The following PSPC1 variants were observed in gnomAD, a reference collection of about 807,000 sequenced individuals.
PSPC1 encodes paraspeckle component 1, also known as paraspeckle protein 1.
PSPC1 carries 14 observed loss-of-function variants against 51.6 expected under a neutral mutation model. That is an observed-to-expected ratio of 0.27 (90% CI 0.18 to 0.42). The LOEUF (loss-of-function observed/expected upper bound fraction) is 0.42. Ranked by LOEUF, PSPC1 falls within the 10% of genes least tolerant of loss-of-function variation. PSPC1 has a pLI of 1.00. For missense variants in PSPC1, 406 were observed against 701.1 expected (o/e 0.58, Z 4.75); for synonymous variants, 193 against 231.9 (o/e 0.83, Z 1.53).
intron 1 of PSPC1, among the ~76,000 whole-genome samples, chr13:19,772,793 C>T (rs1401127289): frequency 6.6e-6 from 1 of 152,118 alleles, no homozygotes; most frequent in Non-Finnish European, 1.5e-5. Flanking sequence ...CTTCATAAGG[C>T]CAGTTACCAA....
intron 3 of PSPC1, among the ~76,000 whole-genome samples, chr13:19,755,357 A>T (rs1886965822): frequency 6.6e-6 from 1 of 152,176 alleles, no homozygotes; most frequent in South Asian, 2.1e-4. Context: ...TGGGAGGCTG[A>T]CGCAGGCAGA....
At chr13:19,690,760 C>G (rs889941508) in intron 6 of PSPC1, among the ~76,000 whole-genome samples, 3 of 152,206 alleles carry the variant, frequency 2.0e-5, no homozygotes, top group African/African-American at 7.2e-5. Flanking sequence ...TGGTCCCACA[C>G]AGCAGGATAT....
downstream of PSPC1, among the ~76,000 whole-genome samples, chr13:19,698,921 A>G (rs1036689514): frequency 2.0e-4 from 31 of 151,938 alleles, no homozygotes; most frequent in Admixed American, 4.6e-4. Flanking sequence ...ATAAAATAGA[A>G]AAAACACATA....
chr13:19,748,900 C>T (rs1886256184), intron 4 of PSPC1, among the ~76,000 whole-genome samples: 1 of 152,004 alleles, frequency 6.6e-6, no homozygotes, highest in African/African-American at 2.4e-5. Context: ...TTCAAAACCA[C>T]TGGACTGGAC....
At chr13:19,732,696 G>A (rs950020321) in intron 5 of PSPC1, among the ~76,000 whole-genome samples, 1 of 152,116 alleles carries the variant, frequency 6.6e-6, no homozygotes, top group Non-Finnish European at 1.5e-5. Context: ...GGAGCCTGAG[G>A]CAGGTGAATC....
intron 5 of PSPC1, among the ~76,000 whole-genome samples, chr13:19,734,119 T>C (rs1884475156): frequency 6.6e-6 from 1 of 152,150 alleles, no homozygotes; most frequent in African/African-American, 2.4e-5. Flanking sequence ...ATTCCTGTTG[T>C]CCATATATGT....
chr13:19,748,120 G>A (rs1375267209), intron 4 of PSPC1, among the ~76,000 whole-genome samples: 1 of 152,098 alleles, frequency 6.6e-6, no homozygotes, highest in African/African-American at 2.4e-5. Flanking sequence ...TGCTGAGGCA[G>A]GAGAATCGCT....
At chr13:19,701,499 A>C (rs538116795), downstream of PSPC1, among the ~76,000 whole-genome samples, 69 of 151,928 alleles carry the variant, frequency 4.5e-4, 1 homozygote, top group African/African-American at 8.7e-4. Context: ...TCTCCAAATC[A>C]TGTTTTCAAA....
At chr13:19,673,108 T>C (rs776405257), downstream of PSPC1, 5 of 451,850 alleles carry the variant, frequency 1.1e-5, no homozygotes, top group South Asian at 7.8e-5. Flanking sequence ...GTTTTTTTTT[T>C]TTGAAAAGCC....
At chr13:19,717,381 C>T (rs1158015058) in intron 6 of PSPC1, among the ~76,000 whole-genome samples, 1 of 151,208 alleles carries the variant, frequency 6.6e-6, no homozygotes, top group Non-Finnish European at 1.5e-5. Flanking sequence ...GCCTGGCCAA[C>T]ATGGTGAAAC....
intron 6 of PSPC1, among the ~76,000 whole-genome samples, chr13:19,720,793 T>C (rs1428834216): frequency 1.3e-5 from 2 of 152,128 alleles, no homozygotes; most frequent in Non-Finnish European, 2.9e-5. Context: ...GTGCACAATA[T>C]AGTATAAGAT....
At chr13:19,693,376 T>A (rs530147651) in intron 6 of PSPC1, among the ~76,000 whole-genome samples, 11 of 152,326 alleles carry the variant, frequency 7.2e-5, no homozygotes, top group Middle Eastern at 3.4e-3. Flanking sequence ...CATATACCCA[T>A]TAAACTACAA....
chr13:19,731,297 T>C (rs1224230886), intron 5 of PSPC1, among the ~76,000 whole-genome samples: 2 of 152,198 alleles, frequency 1.3e-5, no homozygotes, highest in Non-Finnish European at 2.9e-5. Flanking sequence ...TCACATTATA[T>C]TGGCATTTAA....
chr13:19,740,163 G>A (rs1885289832), intron 5 of PSPC1, among the ~76,000 whole-genome samples: 2 of 152,078 alleles, frequency 1.3e-5, no homozygotes, highest in South Asian at 4.1e-4. Flanking sequence ...GACCAACATG[G>A]AGAAACCCCG....
intron 6 of PSPC1, among the ~76,000 whole-genome samples, chr13:19,725,849 G>C (rs894526113): frequency 6.6e-6 from 1 of 152,154 alleles, no homozygotes; most frequent in Non-Finnish European, 1.5e-5. Context: ...ATGTCATACT[G>C]TTTGAACCGT....
At chr13:19,735,062 A>C (rs1429605286) in intron 5 of PSPC1, among the ~76,000 whole-genome samples, 1 of 151,962 alleles carries the variant, frequency 6.6e-6, no homozygotes, top group African/African-American at 2.4e-5. Flanking sequence ...TTGTAATCCC[A>C]GCGCTTTGGG....
At chr13:19,685,189 T>A (rs1187586843) in intron 6 of PSPC1, among the ~76,000 whole-genome samples, 1 of 152,248 alleles carries the variant, frequency 6.6e-6, no homozygotes, top group Non-Finnish European at 1.5e-5. Context: ...TCAGCAAAGC[T>A]GCATGGCACT....
chr13:19,749,858 TGAACTTATA>T (rs1387028588), intron 4 of PSPC1, among the ~76,000 whole-genome samples: 2 of 152,086 alleles, frequency 1.3e-5, no homozygotes, highest in Non-Finnish European at 2.9e-5. Context: ...GTTAGAAAAG[TGAACTTATA>T]GAACTACCAA....
intron 5 of PSPC1, among the ~76,000 whole-genome samples, chr13:19,741,016 A>G (rs1566016067): frequency 1.3e-5 from 2 of 152,068 alleles, no homozygotes; most frequent in Admixed American, 1.3e-4. Flanking sequence ...CTGGGATTAC[A>G]GGCGCGTGCC....
Sources: gnomAD v4.1 joint callset for allele counts (sites outside exome capture counted in the v4.1 genomes callset) on GRCh38, gnomAD v4.1.1 for gene constraint, MANE v1.5 for transcripts, NCBI Gene and HGNC (gene_info 2026-07-23, HGNC 2026-07-21) for gene names.